CRHR2: variants seen among roughly 807,000 people sequenced by gnomAD.
CRHR2 encodes corticotropin-releasing hormone receptor 2.
Under a neutral mutation model 57.9 loss-of-function variants are expected in CRHR2, and 53 were observed. That is an observed-to-expected ratio of 0.92 (90% confidence interval 0.73 to 1.15). CRHR2 has a LOEUF of 1.15. CRHR2 is among the 50% of genes most tolerant of loss of function. CRHR2 has a pLI of 0.00. For missense variants in CRHR2, 532 were observed against 542.6 expected (o/e 0.98, Z 0.19); for synonymous variants, 213 against 220.9 (o/e 0.96, Z 0.32).
rs370375398 is a variant in CRHR2, at chr7:30,665,513, C to T, written c.425+17G>A. On this transcript the variant is annotated intron_variant, in intron 4 of 11. Transcript: ENST00000471646. The surrounding 1 kb of genome is among the most constrained non-coding windows in gnomAD (Gnocchi z 4.5). ...GGGGAGGGATGAGGAGAAAGCAAGGCGGAAGGGCAGACTCACCGCAGGGCC... is the reference window on the plus strand; with the variant it reads ...GGGGAGGGATGAGGAGAAAGCAAGGTGGAAGGGCAGACTCACCGCAGGGCC... 69 of 1,548,350 alleles carry T rather than the reference C, an allele frequency of 4.5e-5. No individual in the cohort carries two copies. The African/African-American group carries it at 5.1e-4, about 11-fold the overall frequency.
At chr7:30,694,920 A>G (rs1263689494) in intron 1 of CRHR2, among the ~76,000 whole-genome samples, 9 of 137,502 alleles carry the variant, frequency 6.5e-5, no homozygotes, top group Admixed American at 1.5e-4. Flanking sequence ...AGGGGTCAGA[A>G]AAGGGAGAGG....
Position 30,656,581 on chromosome 7 carries a change from A to G in CRHR2, c.832-569T>C, listed in dbSNP as rs146137306. ...CAGGAACTCCAGAGCCTTCGTAGGC[A>G]CCCTAGACAGGGAAGATGGATGGGC... On this transcript the variant is annotated intron_variant, in intron 8 of 11. Transcript: ENST00000471646. The surrounding 1 kb of genome is among the most constrained non-coding windows in gnomAD (Gnocchi z 4.4). Among the ~76,000 whole-genome samples, 1,031 of 152,276 alleles carry G rather than the reference A, an allele frequency of 6.8e-3. 13 individuals carry two copies. The highest frequency in any genetic ancestry group is 0.023 in the African/African-American group (964 of 41,552).
intron 1 of CRHR2, among the ~76,000 whole-genome samples, chr7:30,690,232 G>C (rs1784934390): frequency 6.6e-6 from 1 of 152,212 alleles, no homozygotes; most frequent in Non-Finnish European, 1.5e-5. Context: ...TGTGGGTTTT[G>C]AAGGGTGAGT....
chr7:30,655,749 A>C (rs761495881), intron 9 of CRHR2, 34 bp from the exon 10 acceptor site: 1 of 1,606,268 alleles, frequency 6.2e-7, no homozygotes, highest in Non-Finnish European at 8.5e-7. Context: ...GTCTGAGCCC[A>C]TGCGGCAGGC....
At position 30,665,527 on chromosome 7, in the gene CRHR2, C is replaced by T. The variant is rs376683433; in HGVS notation, c.425+3G>A. On this transcript the variant is annotated splice_donor_region_variant and intron_variant, in intron 4 of 11. Coordinates refer to ENST00000471646, the MANE Select transcript of CRHR2 (RefSeq NM_001883.5). The surrounding 1 kb of genome is among the most constrained non-coding windows in gnomAD (Gnocchi z 4.5). ...AGAAAGCAAGGCGGAAGGGCAGACT[C>T]ACCGCAGGGCCAGGAAAAGCAGGAA... 109 of 1,555,142 alleles carry T rather than the reference C, an allele frequency of 7.0e-5. No individual in the cohort carries two copies. In the African/African-American group the frequency reaches 1.3e-3, roughly 18 times the overall value.
In CRHR2 at chr7:30,678,147, C is replaced by T. The variant is rs1784580550; in HGVS notation, c.229+3768G>A. Among the ~76,000 whole-genome samples, 3 of 152,170 alleles carry T rather than the reference C, an allele frequency of 2.0e-5. 1 individual carries two copies. In the South Asian group the frequency reaches 6.2e-4, roughly 32 times the overall value. On this transcript the variant is annotated intron_variant, in intron 2 of 11. Coordinates refer to ENST00000471646, the MANE Select transcript of CRHR2 (RefSeq NM_001883.5). ...TGGGGCCCCAAATCTGGTTCTCTAG[C>T]CCACTCAGTGATTCCATAAGCTCCC...
At chr7:30,664,673 G>T (rs1330972881) in intron 5 of CRHR2, among the ~76,000 whole-genome samples, 1 of 151,992 alleles carries the variant, frequency 6.6e-6, no homozygotes, top group Non-Finnish European at 1.5e-5. Context: ...GGTGAGCTCA[G>T]GTCTGGTTTT....
chr7:30,687,700 G>C (rs1382807623), intron 2 of CRHR2, among the ~76,000 whole-genome samples: 1 of 152,234 alleles, frequency 6.6e-6, no homozygotes, highest in African/African-American at 2.4e-5. Flanking sequence ...CCTATCCGCT[G>C]CACTCAGAGC....
intron 1 of CRHR2, among the ~76,000 whole-genome samples, chr7:30,693,741 G>T (rs1785002688): frequency 7.2e-6 from 1 of 138,898 alleles, no homozygotes; most frequent in African/African-American, 3.4e-5. Context: ...TACCTGTGGA[G>T]GCTGATGCCA....
Position 30,655,640 on chromosome 7 carries a change from C to T in CRHR2, c.993G>A (p.Gly331=), listed in dbSNP as rs762538311. 6.2e-7 allele frequency: 1 copy of T among 1,614,144 alleles called. No homozygotes were observed. Among genetic ancestry groups the T allele is most frequent in the Admixed American group, 1.7e-5 (1 of 60,020 alleles). Residue 331 remains glycine, a synonymous_variant, in exon 10 of 12, where the codon GGG becomes GGA. Coordinates refer to ENST00000471646, the MANE Select transcript of CRHR2 (RefSeq NM_001883.5). The part of the protein sequence containing the change: ...ITYMLFFVNP[G]EDDLSQIMFI... ...ACATGATCTGTGACAGGTCGTCCTC[C>T]CCGGGATTGACGAAGAAGAGCATGT... is the stretch of plus-strand genomic sequence containing the variant.
chr7:30,680,402 T>A (rs1373549839), intron 2 of CRHR2, among the ~76,000 whole-genome samples: 1 of 151,920 alleles, frequency 6.6e-6, no homozygotes, highest in Non-Finnish European at 1.5e-5. Context: ...CAGGCTGGGG[T>A]AAGAACGAAA....
At chr7:30,689,118 A>G in intron 2 of CRHR2, 2 of 1,358,818 alleles carry the variant, frequency 1.5e-6, no homozygotes, top group Non-Finnish European at 2.1e-6. Flanking sequence ...TGGCCCCAGG[A>G]AAGCCTCTTC....
Position 30,653,246 on chromosome 7 carries a change from C to G in CRHR2, c.*214G>C. On this transcript the variant is annotated 3_prime_UTR_variant, in exon 12 of 12. Transcript: ENST00000471646. The surrounding 1 kb of genome is among the most constrained non-coding windows in gnomAD (Gnocchi z 5.0). The stretch of plus-strand genomic sequence containing the variant: ...CTCTTCTCAGGGGGTCCTGTGAATT[C>G]CCTCTGCTTCCTCTTGCGCTGAGCC... The G allele has an allele frequency of 1.7e-6, 1 of 600,326 alleles. No individual in the cohort carries two copies. Among genetic ancestry groups the G allele is most frequent in the East Asian group, 3.0e-5 (1 of 33,186 alleles). The allele number at this position is 600,326 out of a possible 1,614,324, so 37.2% of individuals were successfully genotyped here. A position where few individuals can be genotyped will look rare whatever the true frequency, so the allele number is the denominator to read the frequency against.
At chr7:30,667,136 G>T in intron 3 of CRHR2, 92 bp downstream of exon 3, 3 of 1,126,600 alleles carry the variant, frequency 2.7e-6, no homozygotes, top group Non-Finnish European at 4.0e-6. Context: ...GTGACAAAAG[G>T]ACTGGTCTGC....
chr7:30,673,899 GT>G (rs1334449974), intron 2 of CRHR2, among the ~76,000 whole-genome samples: 7 of 152,192 alleles, frequency 4.6e-5, no homozygotes, highest in Non-Finnish European at 1.0e-4. Context: ...GCTAGATTGA[GT>G]TTGGGAGTCT....
At chr7:30,659,119 A>G (rs1454687117) in intron 8 of CRHR2, among the ~76,000 whole-genome samples, 1 of 152,226 alleles carries the variant, frequency 6.6e-6, no homozygotes, top group Non-Finnish European at 1.5e-5. Flanking sequence ...AATAATGTAG[A>G]TAGAGCTTCT....
intron 2 of CRHR2, among the ~76,000 whole-genome samples, chr7:30,679,622 T>C (rs1271570648): frequency 6.6e-6 from 1 of 152,158 alleles, no homozygotes; most frequent in Non-Finnish European, 1.5e-5. Context: ...GGGCGATTCC[T>C]GCTCTCTAAG....
At chr7:30,658,740 G>T (rs569027604) in intron 8 of CRHR2, among the ~76,000 whole-genome samples, 20 of 152,330 alleles carry the variant, frequency 1.3e-4, no homozygotes, top group African/African-American at 4.6e-4. Context: ...CCTGTGTCTG[G>T]CCTAGTGACT....
In CRHR2 at chr7:30,665,594, A is replaced by G; in HGVS notation, c.361T>C (p.Tyr121His). 1 of 1,563,800 alleles carries G rather than the reference A, an allele frequency of 6.4e-7. No individual in the cohort carries two copies. Among genetic ancestry groups the G allele is most frequent in the Non-Finnish European group, 8.7e-7 (1 of 1,153,056 alleles). ...GCCACAGATACGCAGTGGCCCAGGT[A>G]GTTGACGACAAGGGCGATGCGGTAG... ...LHYRIALVVN[Y>H]LGHCVSVAAL... The change falls in exon 4 of 12, where the codon TAC becomes CAC. Residue 121 changes from tyrosine (Y) to histidine (H), a missense_variant. Physicochemically the swap from Tyr to His is moderately conservative, Grantham distance 83 (BLOSUM62 2). Coordinates refer to ENST00000471646, the MANE Select transcript of CRHR2 (RefSeq NM_001883.5). This position sits in a 1 kb window ranked among gnomAD's most constrained non-coding sequence, Gnocchi z 4.5.
Sources: gnomAD v4.1 joint callset for allele counts (sites outside exome capture counted in the v4.1 genomes callset) on GRCh38, gnomAD v4.1.1 for gene constraint, Gnocchi (gnomAD v3.1) non-coding constraint, MANE v1.5 for transcripts, NCBI Gene and HGNC (gene_info 2026-07-23, HGNC 2026-07-21) for gene names.